Variants in ECE2 observed in about 807,000 individuals in gnomAD.
The protein encoded by ECE2 is endothelin converting enzyme 2.
In ECE2, 81 loss-of-function variants were observed where a neutral mutation model predicts 100.6. The observed-to-expected ratio is 0.81, with a 90% CI of 0.67 to 0.97. ECE2 has a LOEUF of 0.97. Among genes scored for constraint, ECE2 ranks in the 50% least tolerant of loss-of-function variants. The pLI is 0.00. For missense variants in ECE2, 911 were observed against 988.1 expected (o/e 0.92, Z 1.05); for synonymous variants, 391 against 391.5 (o/e 1.00, Z 0.02).
In ECE2 at chr3:184,291,569, G is replaced by A. The variant is rs1247569941; in HGVS notation, c.2121+130G>A. On this transcript the variant is annotated intron_variant, in intron 18 of 18. Coordinates refer to ENST00000404464, the MANE Select transcript of ECE2 (RefSeq NM_001100121.2). The surrounding 1 kb of genome is among the most constrained non-coding windows in gnomAD (Gnocchi z 4.1). The stretch of plus-strand genomic sequence containing the variant: ...GGGCTGAGGCTGGGGCATGAAAGGT[G>A]GGCTGGGAAGGCCCATGCCCAGAGC... 2.1e-6 allele frequency: 2 copies of A among 942,404 alleles called. No individual in the cohort carries two copies. Among genetic ancestry groups the A allele is most frequent in the Non-Finnish European group, 3.1e-6 (2 of 654,584 alleles). 58.4% of individuals were successfully genotyped at this position (942,404 alleles called of 1,614,324 possible). A position where few individuals can be genotyped will look rare whatever the true frequency, so the allele number is the denominator to read the frequency against.
At chr3:184,277,113 C>T in intron 3 of ECE2, 86 bp downstream of exon 3, 1 of 1,599,940 alleles carries the variant, frequency 6.3e-7, no homozygotes, top group South Asian at 1.1e-5. Flanking sequence ...TTGTGGGAAC[C>T]AAGCCTTCCC....
At position 184,287,930 on chromosome 3, in the gene ECE2, C is replaced by G. The variant is rs545716291; in HGVS notation, c.1357C>G (p.Arg453Gly). ...CCTCTTCGTGAAGGCCACGTTTGAC[C>G]GGCAAAGCAAAGAAATTGTGAGTCT... The part of the protein sequence containing the change: ...GSLFVKATFD[R>G]QSKEIAEGMI... The change falls in exon 11 of 19, where the codon CGG (arginine) becomes GGG (glycine). Residue 453 changes from arginine to glycine, a missense_variant. Arg to Gly is a moderately radical substitution (Grantham distance 125, BLOSUM62 -2). Transcript: ENST00000404464. 3.1e-6 allele frequency: 5 copies of G among 1,614,008 alleles called. No homozygotes were observed. The highest frequency in any genetic ancestry group is 2.2e-5 in the East Asian group (1 of 44,880).
In ECE2 at chr3:184,289,630, G is replaced by C. The variant is rs750898496; in HGVS notation, c.1474-11G>C. The C allele has an allele frequency of 4.3e-6, 7 of 1,613,506 alleles. No homozygotes were observed. The Admixed American group carries it at 8.3e-5, about 19-fold the overall frequency. On this transcript the variant is annotated splice_polypyrimidine_tract_variant and intron_variant, in intron 12 of 18. Coordinates refer to ENST00000404464, the MANE Select transcript of ECE2 (RefSeq NM_001100121.2). The surrounding 1 kb of genome is among the most constrained non-coding windows in gnomAD (Gnocchi z 4.1). ...GGGGAAGGAAACAAACCCTTAACCT[G>C]GTCTCTTCAGGCAGATGCCATCTAT...
At chr3:184,276,859 C>T (rs781208369) in intron 2 of ECE2, 33 bp from the exon 3 acceptor site, 1 of 1,610,458 alleles carries the variant, frequency 6.2e-7, no homozygotes, top group Admixed American at 1.7e-5. Flanking sequence ...TGCCCTGCAT[C>T]TCAGTCACTC....
chr3:184,291,689 C>A lies in ECE2; in HGVS notation c.2121+250C>A. ...CGCATAGTTCAAAGGGCAAGGTTGTCGTGCTTGCGGGGCACAGGGTGGCGA... is the reference window on the plus strand; with the variant it reads ...CGCATAGTTCAAAGGGCAAGGTTGTAGTGCTTGCGGGGCACAGGGTGGCGA... On this transcript the variant is annotated intron_variant, in intron 18 of 18. Coordinates refer to ENST00000404464, the MANE Select transcript of ECE2 (RefSeq NM_001100121.2). The surrounding 1 kb of genome is among the most constrained non-coding windows in gnomAD (Gnocchi z 4.1). 1 of 321,088 alleles carries A rather than the reference C, an allele frequency of 3.1e-6. No homozygotes were observed. The highest frequency in any genetic ancestry group is 5.4e-6 in the Non-Finnish European group (1 of 184,210). The allele number at this position is 321,088 out of a possible 1,614,324, so 19.9% of individuals were successfully genotyped here.
chr3:184,278,245 A>G lies in ECE2; in HGVS notation c.682A>G (p.Arg228Gly), dbSNP rs773858605. Reference sequence around the variant, plus strand: ...GTTGAAGGCAGTAGCAGGGACCTACAGGGCCACCCCATTCTTCACCGTCTA... The same window carrying G: ...GTTGAAGGCAGTAGCAGGGACCTACGGGGCCACCCCATTCTTCACCGTCTA... ...EVLKAVAGTYRATPFFTVYIS... is the reference protein window; with the variant it reads ...EVLKAVAGTYGATPFFTVYIS... Residue 228 changes from arginine to glycine, a missense_variant, in exon 6 of 19, where the codon AGG becomes GGG. Transcript: ENST00000404464. 2 of 1,614,194 alleles carry G rather than the reference A, an allele frequency of 1.2e-6. No homozygotes were observed. Among genetic ancestry groups the G allele is most frequent in the Middle Eastern group, 1.6e-4 (1 of 6,062 alleles).
rs369899363 is a variant in ECE2 at position 184,277,504 on chromosome 3, G to A, written c.478+38G>A. ...GTTAGGGAGGCCTTGGGCCACCTAT[G>A]TGCCTTGTGCCCAGCACAGGGCCTG... is the stretch of plus-strand genomic sequence containing the variant. On this transcript the variant is annotated intron_variant, in intron 4 of 18. Coordinates refer to ENST00000404464, the MANE Select transcript of ECE2 (RefSeq NM_001100121.2). The A allele has an allele frequency of 3.0e-5, 48 of 1,603,656 alleles. No individual in the cohort carries two copies. The African/African-American group carries it at 5.5e-4, about 18-fold the overall frequency.
At chr3:184,288,909 C>T (rs843355) in intron 11 of ECE2, among the ~76,000 whole-genome samples, 35,226 of 152,100 alleles carry the variant, frequency 0.23, 4,232 homozygotes, top group Non-Finnish European at 0.27. Flanking sequence ...GTAATCCCAG[C>T]ACTTTGGGAG....
Position 184,291,704 on chromosome 3 carries a change from C to CAGGGTGGTGCAA in ECE2, c.2121+272_2121+273insTGCAAAGGGTGG. ...GCAAGGTTGTCGTGCTTGCGGGGCA[C>CAGGGTGGTGCAA]AGGGTGGCGAAGGGGGCAAACGTTC... On this transcript the variant is annotated intron_variant, in intron 18 of 18. Transcript: ENST00000404464. The surrounding 1 kb of genome is among the most constrained non-coding windows in gnomAD (Gnocchi z 4.1). 2.1e-6 allele frequency: 1 copy of CAGGGTGGTGCAA among 486,108 alleles called. No homozygotes were observed. Among genetic ancestry groups the CAGGGTGGTGCAA allele is most frequent in the Non-Finnish European group, 3.6e-6 (1 of 275,254 alleles). The allele number at this position is 486,108 out of a possible 1,614,324, so 30.1% of individuals were successfully genotyped here. A position where few individuals can be genotyped will look rare whatever the true frequency, so the allele number is the denominator to read the frequency against.
rs562512223 is a variant in ECE2 at position 184,287,841 on chromosome 3, G to A, written c.1268G>A (p.Cys423Tyr). 4 of 1,614,092 alleles carry A rather than the reference G, an allele frequency of 2.5e-6. No individual in the cohort carries two copies. The highest frequency in any genetic ancestry group is 3.3e-5 in the Admixed American group (2 of 60,020). ...TGGCTCTTTGTCCTTTAACAGTCCTGTGTGCCGAGGTGGCAGACCTGCATC... is the reference window on the plus strand; with the variant it reads ...TGGCTCTTTGTCCTTTAACAGTCCTATGTGCCGAGGTGGCAGACCTGCATC... ...LETLYGTKKS[C>Y]VPRWQTCISN... The change falls in exon 11 of 19, where the codon TGT becomes TAT. Residue 423 changes from cysteine to tyrosine, a missense_variant. Physicochemically the swap from Cys to Tyr is radical, Grantham distance 194. Transcript: ENST00000404464.
Position 184,292,146 on chromosome 3 carries a change from G to A in ECE2, c.2206G>A (p.Gly736Ser), listed in dbSNP as rs761789060. 1 of 1,614,068 alleles carries A rather than the reference G, an allele frequency of 6.2e-7. No homozygotes were observed. The highest frequency in any genetic ancestry group is 8.5e-7 in the Non-Finnish European group (1 of 1,180,022). Residue 736 changes from glycine (G) to serine (S), a missense_variant, in exon 19 of 19, where the codon GGC becomes AGC. Coordinates refer to ENST00000404464, the MANE Select transcript of ECE2 (RefSeq NM_001100121.2). ...PHSPARFRVL[G>S]TLSNSRDFLR... ...CAGCCCTGCCCGCTTCCGCGTGCTG[G>A]GCACTCTCTCCAACTCCCGTGACTT... is the stretch of plus-strand genomic sequence containing the variant.
At chr3:184,284,900 A>G (rs1461209316) in intron 8 of ECE2, 63 bp from the exon 9 acceptor site, 2 of 1,579,370 alleles carry the variant, frequency 1.3e-6, no homozygotes, top group East Asian at 2.2e-5. Flanking sequence ...TACAGCATAC[A>G]GTGGGGGAGG....
intron 7 of ECE2, 122 bp downstream of exon 7, chr3:184,278,679 C>A: frequency 2.2e-6 from 2 of 907,002 alleles, no homozygotes; most frequent in Non-Finnish European, 3.4e-6. Flanking sequence ...ACCTAGTGAA[C>A]AAACTGCCCC....
Position 184,283,840 on chromosome 3 carries a change from G to A in ECE2, c.872G>A (p.Arg291Gln), listed in dbSNP as rs547918400. 6 of 1,613,692 alleles carry A rather than the reference G, an allele frequency of 3.7e-6. No individual in the cohort carries two copies. Among genetic ancestry groups the A allele is most frequent in the South Asian group, 2.2e-5 (2 of 91,058 alleles). ...MEELGMLLGG[R>Q]PTSTREQMQQ... ...GAACTGGGGATGCTGCTGGGTGGGCGGCCCACCTCCACGAGGGAGCAGATG... is the reference window on the plus strand; with the variant it reads ...GAACTGGGGATGCTGCTGGGTGGGCAGCCCACCTCCACGAGGGAGCAGATG... Residue 291 changes from arginine to glutamine, a missense_variant, in exon 8 of 19, where the codon CGG (arginine) becomes CAG (glutamine). Transcript: ENST00000404464.
chr3:184,278,274 C>G lies in ECE2; in HGVS notation c.711C>G (p.Ile237Met). 1 of 1,614,178 alleles carries G rather than the reference C, an allele frequency of 6.2e-7. No individual in the cohort carries two copies. The highest frequency in any genetic ancestry group is 1.1e-5 in the South Asian group (1 of 91,082). Residue 237 changes from isoleucine (I) to methionine (M), a missense_variant, in exon 6 of 19, where the codon ATC becomes ATG. Transcript: ENST00000404464. ...YRATPFFTVYISADSKSSNSN... is the reference protein window; with the variant it reads ...YRATPFFTVYMSADSKSSNSN... Reference sequence around the variant, plus strand: ...CCACCCCATTCTTCACCGTCTACATCAGTGCCGACTCTAAGAGTTCCAACA... The same window carrying G: ...CCACCCCATTCTTCACCGTCTACATGAGTGCCGACTCTAAGAGTTCCAACA...
intron 11 of ECE2, among the ~76,000 whole-genome samples, chr3:184,288,165 C>A (rs1389177506): frequency 2.6e-5 from 4 of 151,814 alleles, no homozygotes; most frequent in African/African-American, 9.7e-5. Context: ...AAAAAATTAG[C>A]CGGGCGTGGT....
intron 1 of ECE2, 81 bp from the exon 2 acceptor site, chr3:184,276,400 A>AGGCAGGGAGCACTGG: frequency 6.5e-7 from 1 of 1,527,774 alleles, no homozygotes; most frequent in Non-Finnish European, 8.9e-7. Flanking sequence ...GGGGTCCGCG[A>AGGCAGGGAGCACTGG]GGCAGGGAGC....
intron 1 of ECE2, 125 bp downstream of exon 1, chr3:184,276,317 G>A: frequency 7.2e-7 from 1 of 1,381,300 alleles, no homozygotes; most frequent in Non-Finnish European, 9.7e-7. Flanking sequence ...GGGCCTGGTG[G>A]AGGGGTGATA....
At chr3:184,278,101 A>G (rs776992795) in intron 5 of ECE2, 52 bp downstream of exon 5, 2 of 1,613,380 alleles carry the variant, frequency 1.2e-6, no homozygotes, top group Middle Eastern at 3.3e-4. Flanking sequence ...GCCTTGAGAG[A>G]GGAGATGGCC....
Sources: gnomAD v4.1 joint callset for allele counts (sites outside exome capture counted in the v4.1 genomes callset) on GRCh38, gnomAD v4.1.1 for gene constraint, Gnocchi (gnomAD v3.1) non-coding constraint, MANE v1.5 for transcripts, NCBI Gene and HGNC (gene_info 2026-07-23, HGNC 2026-07-21) for gene names.